DMD: variants seen among roughly 807,000 people sequenced by gnomAD.
DMD encodes the protein mutant dystrophin.
A neutral mutation model predicts 330.1 loss-of-function variants in DMD; 63 were observed. The observed-to-expected ratio is 0.19, with a 90% CI of 0.16 to 0.24. The LOEUF is 0.24. Ranked by LOEUF, DMD falls within the 10% of genes least tolerant of loss-of-function variation. The probability of loss-of-function intolerance (pLI) is 1.00; values close to 1 mark genes in which losing one functional copy is unlikely to be tolerated. For synonymous variants in DMD, 1,223 were observed against 959.8 expected (o/e 1.27, Z -5.07); for missense variants, 3,344 against 2,684.1 (o/e 1.25, Z -5.43).
chrX:32,019,756 C>T lies in DMD; in HGVS notation c.6439-51242G>A, dbSNP rs747100914. ...TCAACACTGAGACTGTAATTCCTGA[C>T]GCTGTCATTCTACTTTTTGAAAATT... is the stretch of plus-strand genomic sequence containing the variant. On this transcript the variant is annotated intron_variant, in intron 44 of 78. Coordinates refer to ENST00000357033, the MANE Select transcript of DMD (RefSeq NM_004006.3). 8.0e-5 allele frequency among the ~76,000 whole-genome samples: 9 copies of T among 112,329 alleles called. No individual in the cohort carries two copies. In the South Asian group the frequency reaches 1.8e-3, roughly 23 times the overall value.
At chrX:32,424,345 T>C (rs774060791) in intron 29 of DMD, among the ~76,000 whole-genome samples, 2 of 111,391 alleles carry the variant, frequency 1.8e-5, no homozygotes, top group African/African-American at 3.3e-5. Flanking sequence ...CTAGAAGCTA[T>C]ATCCATTATT....
chrX:32,630,803 G>A (rs1441419971), intron 11 of DMD, among the ~76,000 whole-genome samples: 3 of 111,961 alleles, frequency 2.7e-5, no homozygotes, highest in Non-Finnish European at 5.6e-5. Flanking sequence ...TCACATATCT[G>A]TCTCTCCAAG....
In DMD at chrX:32,837,269, T is replaced by A. The variant is rs145100813; in HGVS notation, c.264+7514A>T. On this transcript the variant is annotated intron_variant, in intron 4 of 78. Transcript: ENST00000357033. ...TTCTTCACCTCTTCTTTGTATGTGA[T>A]GACTACATCACCTGGAATCTCTTAA... Among the ~76,000 whole-genome samples the A allele has an allele frequency of 6.7e-3, 747 of 112,223 alleles. 5 individuals are homozygous for A. Among genetic ancestry groups the A allele is most frequent in the Non-Finnish European group, 0.011 (609 of 53,227 alleles).
At chrX:33,129,991 A>C (rs1417288611) in intron 1 of DMD, among the ~76,000 whole-genome samples, 1 of 112,111 alleles carries the variant, frequency 8.9e-6, no homozygotes, top group Non-Finnish European at 1.9e-5. Flanking sequence ...ATCAGATAGA[A>C]GCTTTTCCGA....
At chrX:33,323,280 T>C (rs2054041380) in intron 1 of DMD, among the ~76,000 whole-genome samples, 1 of 112,049 alleles carries the variant, frequency 8.9e-6, no homozygotes, top group African/African-American at 3.2e-5. Flanking sequence ...AAACTTGTGC[T>C]GTTGGACTTG....
chrX:32,441,990 TTTGA>T (rs1294308821), intron 27 of DMD, among the ~76,000 whole-genome samples: 1 of 110,726 alleles, frequency 9.0e-6, no homozygotes, highest in East Asian at 2.8e-4. Flanking sequence ...AATTCAAAGG[TTTGA>T]TTATTTTAAA....
intron 41 of DMD, among the ~76,000 whole-genome samples, chrX:32,320,700 A>G (rs973124712): frequency 3.6e-5 from 4 of 112,206 alleles, no homozygotes; most frequent in African/African-American, 1.3e-4. Flanking sequence ...TGAGCACTCA[A>G]TTAATATTCT....
intron 4 of DMD, among the ~76,000 whole-genome samples, chrX:32,824,320 G>A (rs557872912): frequency 8.9e-6 from 1 of 111,801 alleles, no homozygotes; most frequent in African/African-American, 3.2e-5. Flanking sequence ...TTCATACTAC[G>A]TTTATTTGTA....
intron 52 of DMD, among the ~76,000 whole-genome samples, chrX:31,723,088 T>C (rs1418404727): frequency 1.9e-5 from 2 of 106,914 alleles, no homozygotes; most frequent in East Asian, 3.0e-4. Flanking sequence ...AATGCTTCTA[T>C]ATTGTAAGTT....
chrX:33,028,288 G>A (rs1290731859), intron 1 of DMD, among the ~76,000 whole-genome samples: 1 of 111,521 alleles, frequency 9.0e-6, no homozygotes, highest in East Asian at 2.8e-4. Flanking sequence ...TAGGGGAGTT[G>A]GATCATGGAT....
chrX:33,095,330 ACATAAATGTTAGCAT>A (rs1007732798), intron 1 of DMD, among the ~76,000 whole-genome samples: 1 of 112,723 alleles, frequency 8.9e-6, no homozygotes, highest in African/African-American at 3.2e-5. Context: ...ATAGCGAACA[ACATAAATGTTAGCAT>A]TCATAGATCA....
At chrX:32,644,654 AG>A (rs1432989314) in intron 10 of DMD, among the ~76,000 whole-genome samples, 1 of 110,337 alleles carries the variant, frequency 9.1e-6, no homozygotes, top group East Asian at 2.9e-4. Context: ...TCTCAGGAAA[AG>A]TCTCCCACTG....
At chrX:32,628,510 A>C (rs2146568524) in intron 11 of DMD, among the ~76,000 whole-genome samples, 1 of 107,731 alleles carries the variant, frequency 9.3e-6, no homozygotes, top group African/African-American at 3.4e-5. Flanking sequence ...GTTGTACTTT[A>C]ATGTATTTCA....
intron 2 of DMD, among the ~76,000 whole-genome samples, chrX:32,880,695 A>G (rs2083851875): frequency 8.9e-6 from 1 of 112,814 alleles, no homozygotes; most frequent in African/African-American, 3.2e-5. Flanking sequence ...CTGTAATCCC[A>G]GCACTTTAGA....
intron 2 of DMD, among the ~76,000 whole-genome samples, chrX:32,971,687 T>C (rs778482674): frequency 1.1e-4 from 12 of 111,027 alleles, no homozygotes; most frequent in African/African-American, 3.9e-4. Context: ...AAATTGACAA[T>C]ATATTTTAAT....
intron 7 of DMD, among the ~76,000 whole-genome samples, chrX:32,792,911 A>T (rs2075925131): frequency 1.8e-5 from 2 of 112,233 alleles, no homozygotes; most frequent in Admixed American, 9.5e-5. Flanking sequence ...TAGACAAAAA[A>T]TTAACAAAGA....
At chrX:31,639,780 A>G (rs1046572909) in intron 54 of DMD, among the ~76,000 whole-genome samples, 1 of 111,883 alleles carries the variant, frequency 8.9e-6, no homozygotes, top group Admixed American at 9.5e-5. Context: ...TATTGCCTGT[A>G]TAAGTAGGGT....
chrX:31,178,321 C>T (rs2040767268), intron 70 of DMD: 2 of 977,109 alleles, frequency 2.0e-6, no homozygotes, highest in Non-Finnish European at 2.6e-6. Flanking sequence ...CACACATTTA[C>T]TGATTTGTGA....
At chrX:32,739,442 A>T (rs1228394656) in intron 7 of DMD, among the ~76,000 whole-genome samples, 1 of 112,104 alleles carries the variant, frequency 8.9e-6, no homozygotes, top group Non-Finnish European at 1.9e-5. Flanking sequence ...CAAGTGTAAG[A>T]TTACCATAAT....
Sources: allele counts gnomAD v4.1 joint callset (sites outside exome capture counted in the v4.1 genomes callset), GRCh38; gene constraint gnomAD v4.1.1; transcripts MANE v1.5; gene names NCBI Gene and HGNC (gene_info 2026-07-23, HGNC 2026-07-21).